Variants in SNX14 observed in about 807,000 individuals in gnomAD.
The protein encoded by SNX14 is sorting nexin-14.
A neutral mutation model predicts 133.8 loss-of-function variants in SNX14; 93 were observed. The ratio of observed to expected loss-of-function variants is 0.70; its 90% confidence interval spans 0.59 to 0.83. The LOEUF is 0.83. Among genes scored for constraint, SNX14 ranks in the 40% least tolerant of loss-of-function variants. The pLI is 0.00. For missense variants in SNX14, 945 were observed against 1,094.9 expected (o/e 0.86, Z 1.93); for synonymous variants, 368 against 365.6 (o/e 1.01, Z -0.07).
chr6:85,592,185 C>G (rs1309508256), intron 1 of SNX14, among the ~76,000 whole-genome samples: 2 of 152,202 alleles, frequency 1.3e-5, no homozygotes, highest in African/African-American at 4.8e-5. Flanking sequence ...CTCACCATCA[C>G]AGAGCACACT....
intron 26 of SNX14, among the ~76,000 whole-genome samples, chr6:85,508,748 T>G (rs964831396): frequency 6.6e-6 from 1 of 152,148 alleles, no homozygotes; most frequent in Non-Finnish European, 1.5e-5. Context: ...ATAGATGTCA[T>G]GTACCACTGA....
chr6:85,584,135 A>G (rs1799918739), intron 1 of SNX14, among the ~76,000 whole-genome samples: 1 of 152,220 alleles, frequency 6.6e-6, no homozygotes, highest in Non-Finnish European at 1.5e-5. Context: ...CCTGACAAAA[A>G]CAAGCAATGA....
intron 11 of SNX14, 29 bp downstream of exon 11, chr6:85,547,288 A>G: frequency 1.2e-6 from 2 of 1,610,990 alleles, no homozygotes. Context: ...TGTTTATATC[A>G]AAAAGGTGTT....
chr6:85,591,376 C>T (rs1184378160), intron 1 of SNX14, among the ~76,000 whole-genome samples: 1 of 152,002 alleles, frequency 6.6e-6, no homozygotes, highest in Non-Finnish European at 1.5e-5. Flanking sequence ...CAAGACAGTT[C>T]TAGTGTTTAA....
intron 26 of SNX14, 33 bp downstream of exon 26, chr6:85,513,767 A>C: frequency 6.7e-7 from 1 of 1,500,332 alleles, no homozygotes; most frequent in East Asian, 2.3e-5. Context: ...CTGCTAATCT[A>C]TATGAAATTA....
At chr6:85,539,824 C>T (rs1054335418) in intron 15 of SNX14, among the ~76,000 whole-genome samples, 3 of 151,852 alleles carry the variant, frequency 2.0e-5, no homozygotes, top group African/African-American at 7.2e-5. Flanking sequence ...TTAAAGCCAA[C>T]AAAATTAGTA....
At chr6:85,560,031 A>G (rs1404474302) in intron 6 of SNX14, among the ~76,000 whole-genome samples, 1 of 152,198 alleles carries the variant, frequency 6.6e-6, no homozygotes, top group Non-Finnish European at 1.5e-5. Flanking sequence ...ATCCTCATAC[A>G]CTGCTGATGG....
At chr6:85,507,864 G>T in intron 27 of SNX14, 104 bp downstream of exon 27, 3 of 699,302 alleles carry the variant, frequency 4.3e-6, no homozygotes, top group Admixed American at 3.3e-5. Flanking sequence ...TATTGCCTTG[G>T]TTTAGTATAG....
At chr6:85,507,127 C>A in intron 28 of SNX14, 106 bp downstream of exon 28, 12 of 1,024,576 alleles carry the variant, frequency 1.2e-5, no homozygotes, top group Middle Eastern at 3.0e-4. Context: ...TTTAAAGAAC[C>A]ACAGAGAACA....
intron 4 of SNX14, among the ~76,000 whole-genome samples, chr6:85,569,182 G>A (rs1180159450): frequency 6.6e-6 from 1 of 152,004 alleles, no homozygotes; most frequent in African/African-American, 2.4e-5. Context: ...GGCTGGTCTC[G>A]AACTCCCGAC....
rs756004535 is a variant in SNX14 at position 85,533,675 on chromosome 6, G to A, written c.1734C>T (p.Pro578=). Residue 578 remains proline (P), a synonymous_variant, in exon 18 of 29, where the codon CCC becomes CCT. Coordinates refer to ENST00000314673, the MANE Select transcript of SNX14 (RefSeq NM_153816.6). ...CTTTTTTCTCCTTCCTTTCAGAGGA[G>A]GGATCCTCAAAAAAGTCTACATATG... ...SIPYVDFFED[P]SSERKEKKER... is the part of the protein sequence containing the mutation. 8 of 1,613,612 alleles carry A rather than the reference G, an allele frequency of 5.0e-6. No homozygotes were observed. The South Asian group carries it at 7.7e-5, about 16-fold the overall frequency.
intron 1 of SNX14, among the ~76,000 whole-genome samples, chr6:85,587,246 G>A (rs1310920326): frequency 6.6e-6 from 1 of 151,962 alleles, no homozygotes. Context: ...AGTTGTTAAA[G>A]TTGAGTAATG....
intron 1 of SNX14, among the ~76,000 whole-genome samples, chr6:85,580,916 C>G (rs540510875): frequency 6.6e-6 from 1 of 152,204 alleles, no homozygotes; most frequent in Non-Finnish European, 1.5e-5. Flanking sequence ...ACCCCATATC[C>G]AGGGGAACTT....
chr6:85,572,041 G>T, intron 4 of SNX14, 96 bp downstream of exon 4: 1 of 982,700 alleles, frequency 1.0e-6, no homozygotes, highest in Non-Finnish European at 1.5e-6. Context: ...CATGTATTAA[G>T]ATGCTCCATG....
At chr6:85,579,722 C>T (rs908069618) in intron 1 of SNX14, among the ~76,000 whole-genome samples, 2 of 152,200 alleles carry the variant, frequency 1.3e-5, no homozygotes, top group Admixed American at 6.5e-5. Flanking sequence ...GGCAACTGCT[C>T]ATCCCAGTAG....
At chr6:85,565,041 G>A (rs1562350557) in intron 6 of SNX14, among the ~76,000 whole-genome samples, 1 of 151,592 alleles carries the variant, frequency 6.6e-6, no homozygotes, top group Non-Finnish European at 1.5e-5. Context: ...CACTTAGAAA[G>A]AGTAAGACCT....
chr6:85,578,328 T>C (rs1583077014), intron 1 of SNX14, among the ~76,000 whole-genome samples: 1 of 152,202 alleles, frequency 6.6e-6, no homozygotes, highest in East Asian at 1.9e-4. Flanking sequence ...ATGGCTTTTA[T>C]ATAGAACAGG....
chr6:85,513,942 T>C (rs1325891279), intron 25 of SNX14, 47 bp from the exon 26 acceptor site: 1 of 1,569,146 alleles, frequency 6.4e-7, no homozygotes, highest in African/African-American at 1.4e-5. Context: ...CATCTATTTA[T>C]ACACAAAGGA....
chr6:85,581,431 C>T lies in SNX14; in HGVS notation c.141-7053G>A, dbSNP rs1799028537. The T allele has an allele frequency of 2.0e-5, 3 of 152,138 alleles. No individual in the cohort carries two copies. In the South Asian group the frequency reaches 6.2e-4, roughly 32 times the overall value. The allele number at this position is 152,138 out of a possible 1,614,324, so 9.4% of individuals were successfully genotyped here. ...CACTACAATAAATAACTCTTCAATA[C>T]CCAGACACTGAAAAACATCCACAAG... On this transcript the variant is annotated intron_variant, in intron 1 of 28. Transcript: ENST00000314673.
Sources: gnomAD v4.1 joint callset for allele counts (sites outside exome capture counted in the v4.1 genomes callset) on GRCh38, gnomAD v4.1.1 for gene constraint, MANE v1.5 for transcripts, NCBI Gene and HGNC (gene_info 2026-07-23, HGNC 2026-07-21) for gene names.